Variants in DENND3 observed in about 807,000 individuals in gnomAD.
DENND3 encodes the protein DENN domain-containing protein 3.
Under a neutral mutation model 135.1 loss-of-function variants are expected in DENND3, and 88 were observed. The observed-to-expected ratio is 0.65, with a 90% CI of 0.55 to 0.78. DENND3 has a LOEUF of 0.78. Ranked by LOEUF, DENND3 falls within the 30% of genes least tolerant of loss-of-function variation. DENND3 has a pLI of 0.00. For missense variants in DENND3, 1,392 were observed against 1,688.4 expected (o/e 0.82, Z 3.08); for synonymous variants, 693 against 712.3 (o/e 0.97, Z 0.43).
At chr8:141,183,958 C>T (rs75204550) in intron 17 of DENND3, among the ~76,000 whole-genome samples, 2,257 of 152,182 alleles carry the variant, frequency 0.015, 60 homozygotes, top group African/African-American at 0.05. Flanking sequence ...GGCCTCCCTG[C>T]GGCCTGTGCT....
chr8:141,138,159 C>T lies in DENND3; in HGVS notation c.501+22C>T. On this transcript the variant is annotated intron_variant, in intron 3 of 22. Transcript: ENST00000519811. The surrounding 1 kb of genome is among the most constrained non-coding windows in gnomAD (Gnocchi z 4.8). ...GCATGTAGGTGGTTCCCGTTACTCC[C>T]CTCTGAAATTGGGTTTAGATTTTTT... The T allele has an allele frequency of 6.3e-7, 1 of 1,577,414 alleles. No individual in the cohort carries two copies.
At chr8:141,152,204 A>T (rs1818868717) in intron 7 of DENND3, among the ~76,000 whole-genome samples, 1 of 152,262 alleles carries the variant, frequency 6.6e-6, no homozygotes, top group African/African-American at 2.4e-5. Flanking sequence ...ATTTGTGCTA[A>T]ATATTGCAAT....
In DENND3 at chr8:141,160,661, T is replaced by C; in HGVS notation, c.1226T>C (p.Leu409Pro). The change falls in exon 9 of 23, where the codon CTG becomes CCG. Residue 409 changes from leucine (L) to proline (P), a missense_variant. Coordinates refer to ENST00000519811, the MANE Select transcript of DENND3 (RefSeq NM_001352890.3). ...RVQSLQLHHE[L>P]HAAHLLSSTD... ...CAGAGCCTCCAGCTCCACCATGAGC[T>C]GCACGCCGCCCACCTCCTCTCCAGC... The C allele has an allele frequency of 6.2e-7, 1 of 1,610,238 alleles. No individual in the cohort carries two copies. Among genetic ancestry groups the C allele is most frequent in the Non-Finnish European group, 8.5e-7 (1 of 1,177,512 alleles).
Position 141,175,761 on chromosome 8 carries a change from C to T in DENND3, c.2535+302C>T, listed in dbSNP as rs189628446. The T allele has an allele frequency of 6.9e-6, 3 of 435,048 alleles. No homozygotes were observed. Among genetic ancestry groups the T allele is most frequent in the Non-Finnish European group, 1.3e-5 (3 of 232,500 alleles). 26.9% of individuals were successfully genotyped at this position (435,048 alleles called of 1,614,324 possible). ...AAGTAAGAATGTGGGCTGACATTCT[C>T]ATTAGGGACAGTAGGACGCCTTCGT... is the stretch of plus-strand genomic sequence containing the variant. On this transcript the variant is annotated intron_variant, in intron 14 of 22. Transcript: ENST00000519811. This position sits in a 1 kb window ranked among gnomAD's most constrained non-coding sequence, Gnocchi z 5.4.
At chr8:141,190,135 TTA>T in intron 19 of DENND3, 147 bp from the exon 20 acceptor site, 4 of 1,066,498 alleles carry the variant, frequency 3.8e-6, no homozygotes, top group South Asian at 2.7e-5. Context: ...TTGCAGGTTA[TTA>T]TGTTTGCATG....
chr8:141,179,479 T>A (rs564344656), intron 16 of DENND3, among the ~76,000 whole-genome samples: 1 of 152,228 alleles, frequency 6.6e-6, no homozygotes, highest in Non-Finnish European at 1.5e-5. Context: ...GTGCGCTGGC[T>A]CCCGCTCCCT....
intron 7 of DENND3, among the ~76,000 whole-genome samples, chr8:141,153,071 T>A (rs1353984822): frequency 6.6e-6 from 1 of 151,662 alleles, no homozygotes; most frequent in Non-Finnish European, 1.5e-5. Context: ...CATTTAACTT[T>A]CCATTTTGAA....
At chr8:141,151,338 T>C (rs1305257063) in intron 6 of DENND3, among the ~76,000 whole-genome samples, 1 of 152,116 alleles carries the variant, frequency 6.6e-6, no homozygotes, top group Non-Finnish European at 1.5e-5. Context: ...AGTGGAAGGA[T>C]TGCTTGAGGC....
Position 141,168,365 on chromosome 8 carries a change from G to A in DENND3, c.2115G>A (p.Leu705=), listed in dbSNP as rs1244396107. The change falls in exon 13 of 23, where the codon CTG becomes CTA. Residue 705 remains leucine (L), a synonymous_variant. Transcript: ENST00000519811. The surrounding 1 kb of genome is among the most constrained non-coding windows in gnomAD (Gnocchi z 6.2). ...TGATGAGGCTCATCAGCGAGATCCT[G>A]GACAAGCCGCACGAGGCCTCGAAGC... ...PELMRLISEI[L]DKPHEASKLD... 6.2e-7 allele frequency: 1 copy of A among 1,613,860 alleles called. No individual in the cohort carries two copies. The highest frequency in any genetic ancestry group is 1.7e-5 in the Admixed American group (1 of 60,026).
Position 141,163,333 on chromosome 8 carries a change from G to T in DENND3, c.1353G>T (p.Arg451Ser). Residue 451 changes from arginine (R) to serine (S), a missense_variant and splice_region_variant, in exon 10 of 23, where the codon AGG (arginine) becomes AGT (serine). Coordinates refer to ENST00000519811, the MANE Select transcript of DENND3 (RefSeq NM_001352890.3). ...CTCAGACTCTCTTTCTCTTTGTTAG[G>T]GATGTAAAGAATCATTTAAACTATG... ...TTLQLLVSIF[R>S]DVKNHLNYEH... is the part of the protein sequence containing the mutation. 1 of 1,577,516 alleles carries T rather than the reference G, an allele frequency of 6.3e-7. No homozygotes were observed. The highest frequency in any genetic ancestry group is 1.1e-5 in the South Asian group (1 of 88,032).
At position 141,130,227 on chromosome 8, in the gene DENND3, TTTA is replaced by T. The variant is rs1205119611; in HGVS notation, c.102+1432_102+1434del. Among the ~76,000 whole-genome samples, 6 of 152,096 alleles carry T rather than the reference TTTA, an allele frequency of 3.9e-5. No individual in the cohort carries two copies. The highest frequency in any genetic ancestry group is 5.9e-5 in the Non-Finnish European group (4 of 68,014). ...GTGGTGCTTTCTTTTTTTCAATTTC[TTTA>T]TTATTATTATTATGTTAATAATAGA... On this transcript the variant is annotated intron_variant, in intron 1 of 22. Coordinates refer to ENST00000519811, the MANE Select transcript of DENND3 (RefSeq NM_001352890.3). The surrounding 1 kb of genome is among the most constrained non-coding windows in gnomAD (Gnocchi z 4.2).
At chr8:141,160,145 T>A (rs1188232520) in intron 8 of DENND3, among the ~76,000 whole-genome samples, 1 of 150,376 alleles carries the variant, frequency 6.6e-6, no homozygotes, top group Non-Finnish European at 1.5e-5. Flanking sequence ...TGTGTGGAGG[T>A]GAATCCACTC....
At chr8:141,185,808 G>A (rs1453452750) in intron 18 of DENND3, among the ~76,000 whole-genome samples, 9 of 151,712 alleles carry the variant, frequency 5.9e-5, no homozygotes, top group African/African-American at 2.2e-4. Flanking sequence ...CTGGGTGACA[G>A]AGCCATACCC....
At chr8:141,147,434 T>C (rs1445705751) in intron 5 of DENND3, among the ~76,000 whole-genome samples, 3 of 152,172 alleles carry the variant, frequency 2.0e-5, no homozygotes, top group African/African-American at 7.2e-5. Context: ...TTTATGCCAC[T>C]CCCCCAGCGT....
rs1245496764 is a variant in DENND3, at chr8:141,194,385, C to T, written c.*152C>T. The T allele has an allele frequency of 5.8e-6, 5 of 864,494 alleles. No homozygotes were observed. The highest frequency in any genetic ancestry group is 3.4e-5 in the African/African-American group (2 of 59,006). 53.6% of individuals were successfully genotyped at this position (864,494 alleles called of 1,614,324 possible). ...ACTTACCGTGTGGCCAGCCGCGAGACCCATGGCCACGCACCTTCTCTCAGG... is the reference window on the plus strand; with the variant it reads ...ACTTACCGTGTGGCCAGCCGCGAGATCCATGGCCACGCACCTTCTCTCAGG... On this transcript the variant is annotated 3_prime_UTR_variant, in exon 23 of 23. Coordinates refer to ENST00000519811, the MANE Select transcript of DENND3 (RefSeq NM_001352890.3).
rs970469488 is a variant in DENND3, at chr8:141,134,563, G to A, written c.103-1946G>A. On this transcript the variant is annotated intron_variant, in intron 1 of 22. Transcript: ENST00000519811. ...GCTGAGATTACAAGCGTAAGCCACC[G>A]CTCCCAGTCGGATTTCCCATGTTTT... is the stretch of plus-strand genomic sequence containing the variant. Among the ~76,000 whole-genome samples the A allele has an allele frequency of 9.9e-5, 15 of 152,072 alleles. No homozygotes were observed. In the East Asian group the frequency reaches 2.7e-3, roughly 27 times the overall value.
chr8:141,166,135 A>G lies in DENND3; in HGVS notation c.1554-55A>G. ...TGGGAAAAATGCTTAGTTTAGGCTT[A>G]TTCTTCAATCATTATTGTGTCTATA... On this transcript the variant is annotated intron_variant, in intron 11 of 22. Transcript: ENST00000519811. This position sits in a 1 kb window ranked among gnomAD's most constrained non-coding sequence, Gnocchi z 4.3. 1 of 1,560,458 alleles carries G rather than the reference A, an allele frequency of 6.4e-7. No homozygotes were observed. The highest frequency in any genetic ancestry group is 8.8e-7 in the Non-Finnish European group (1 of 1,133,438).
chr8:141,158,137 G>A (rs765453537), intron 8 of DENND3: 3 of 1,287,620 alleles, frequency 2.3e-6, no homozygotes. Context: ...GTCCTGCACA[G>A]GCAAGGCTGG....
At chr8:141,180,646 G>T in intron 16 of DENND3, 101 bp from the exon 17 acceptor site, 1 of 1,141,410 alleles carries the variant, frequency 8.8e-7, no homozygotes, top group Admixed American at 2.2e-5. Context: ...AGTTTTACCT[G>T]CAAGCTGATA....
Sources: allele counts gnomAD v4.1 joint callset (sites outside exome capture counted in the v4.1 genomes callset), GRCh38; gene constraint gnomAD v4.1.1; non-coding constraint Gnocchi (gnomAD v3.1); transcripts MANE v1.5; gene names NCBI Gene and HGNC (gene_info 2026-07-23, HGNC 2026-07-21).